Variants in ALPL observed in about 807,000 individuals in gnomAD.
The protein encoded by ALPL is alkaline phosphatase, biomineralization associated.
Under a neutral mutation model 51.3 loss-of-function variants are expected in ALPL, and 42 were observed. That is an observed-to-expected ratio of 0.82 (90% CI 0.64 to 1.06). ALPL has a LOEUF of 1.06. ALPL is among the 50% of genes least tolerant of loss of function. The probability of loss-of-function intolerance (pLI) is 0.00; values close to 1 mark genes in which losing one functional copy is unlikely to be tolerated. For missense variants in ALPL, 589 were observed against 709.4 expected, an observed-to-expected ratio of 0.83 and a Z score of 1.93; for synonymous variants, 279 against 296.4, an observed-to-expected ratio of 0.94 and a Z score of 0.60.
intron 1 of ALPL, among the ~76,000 whole-genome samples, chr1:21,544,992 C>G (rs1202704564): frequency 1.3e-5 from 2 of 151,736 alleles, no homozygotes; most frequent in Non-Finnish European, 2.9e-5. Context: ...AGTCTTTATT[C>G]CCACCTTACA....
intron 1 of ALPL, among the ~76,000 whole-genome samples, chr1:21,518,683 A>T (rs1284313992): frequency 6.6e-6 from 1 of 152,118 alleles, no homozygotes; most frequent in East Asian, 1.9e-4. Context: ...AATTACTTTA[A>T]ATTGTAACTG....
At chr1:21,557,683 C>T (rs1041553020) in intron 2 of ALPL, among the ~76,000 whole-genome samples, 4 of 152,366 alleles carry the variant, frequency 2.6e-5, no homozygotes, top group Admixed American at 2.6e-4. Context: ...AGTCCTCCCA[C>T]CATGGCCTCC....
At chr1:21,576,802 C>T (rs1288044766) in intron 11 of ALPL, among the ~76,000 whole-genome samples, 161 bp downstream of exon 11, 1 of 152,014 alleles carries the variant, frequency 6.6e-6, no homozygotes, top group Non-Finnish European at 1.5e-5. Context: ...ATTCAAACAA[C>T]CTCAGTTTGA....
At chr1:21,569,800 G>C (rs2148175818) in intron 7 of ALPL, among the ~76,000 whole-genome samples, 2 of 152,244 alleles carry the variant, frequency 1.3e-5, no homozygotes, top group Middle Eastern at 6.8e-3. Context: ...TTATTCCCTG[G>C]GGAAACAGCC....
rs969908474 is a variant in ALPL at position 21,517,711 on chromosome 1, C to G, written c.-105+8194C>G. Among the ~76,000 whole-genome samples, 5 of 152,260 alleles carry G rather than the reference C, an allele frequency of 3.3e-5. No homozygotes were observed. In the East Asian group the frequency reaches 9.6e-4, roughly 29 times the overall value. On this transcript the variant is annotated intron_variant, in intron 1 of 11. Coordinates refer to ENST00000374840, the MANE Select transcript of ALPL (RefSeq NM_000478.6). ...ACCTTCGCCAAGTCCCTTTCCCTCT[C>G]TTAGCTTCTGGCTACCCTCCCTACC...
At chr1:21,568,858 A>T (rs1472375961) in intron 7 of ALPL, among the ~76,000 whole-genome samples, 1 of 152,136 alleles carries the variant, frequency 6.6e-6, no homozygotes, top group African/African-American at 2.4e-5. Context: ...GGGAGGCTGG[A>T]GGGACCTCTG....
At chr1:21,566,037 G>A (rs542260718) in intron 6 of ALPL, among the ~76,000 whole-genome samples, 37 of 152,106 alleles carry the variant, frequency 2.4e-4, no homozygotes, top group African/African-American at 8.9e-4. Flanking sequence ...GAACAGTTGT[G>A]GGGGGCGGGG....
chr1:21,542,174 G>C (rs982212216), intron 1 of ALPL, among the ~76,000 whole-genome samples: 1 of 152,230 alleles, frequency 6.6e-6, no homozygotes, highest in Non-Finnish European at 1.5e-5. Flanking sequence ...CTCTGCAGCT[G>C]AAATGTTACT....
intron 1 of ALPL, among the ~76,000 whole-genome samples, chr1:21,513,892 T>C (rs1643740854): frequency 6.6e-6 from 1 of 152,180 alleles, no homozygotes; most frequent in African/African-American, 2.4e-5. Flanking sequence ...TACCACAGTC[T>C]CCACCACGCC....
At chr1:21,576,672 G>T (rs1322441574) in intron 11 of ALPL, 31 bp downstream of exon 11, 1 of 1,612,806 alleles carries the variant, frequency 6.2e-7, no homozygotes, top group East Asian at 2.2e-5. Flanking sequence ...GGCTGGGAGG[G>T]GACAGGGCAC....
intron 1 of ALPL, among the ~76,000 whole-genome samples, chr1:21,533,924 CAA>C (rs760101424): frequency 2.4e-5 from 3 of 127,458 alleles, no homozygotes; most frequent in African/African-American, 3.0e-5. Flanking sequence ...ACTCTTGTCT[CAA>C]AAAAAAAAAA....
chr1:21,515,118 G>T (rs1315693211), intron 1 of ALPL, among the ~76,000 whole-genome samples: 1 of 152,186 alleles, frequency 6.6e-6, no homozygotes, highest in Non-Finnish European at 1.5e-5. Context: ...TCATTCAGGT[G>T]CATGAACTTT....
At chr1:21,516,996 A>G (rs1330286768) in intron 1 of ALPL, among the ~76,000 whole-genome samples, 2 of 152,240 alleles carry the variant, frequency 1.3e-5, no homozygotes, top group Non-Finnish European at 2.9e-5. Flanking sequence ...ATGTGTTCAG[A>G]ACAGTTACAT....
Position 21,569,280 on chromosome 1 carries a change from C to A in ALPL, c.793-1025C>A, listed in dbSNP as rs150396003. 8.5e-5 allele frequency among the ~76,000 whole-genome samples: 13 copies of A among 152,330 alleles called. No individual in the cohort carries two copies. The East Asian group carries it at 2.5e-3, about 29-fold the overall frequency. On this transcript the variant is annotated intron_variant, in intron 7 of 11. Coordinates refer to ENST00000374840, the MANE Select transcript of ALPL (RefSeq NM_000478.6). ...GCACATGGGGCCAGAGCTTCATCCT[C>A]CTTGCCCAGGCAGGGTGCTTACCCA...
chr1:21,522,138 CT>C (rs1322256262), intron 1 of ALPL, among the ~76,000 whole-genome samples: 2 of 149,260 alleles, frequency 1.3e-5, no homozygotes, highest in Non-Finnish European at 3.0e-5. Context: ...GTGGCGCAAT[CT>C]CGGCTCACTA....
chr1:21,569,125 C>T (rs889922324), intron 7 of ALPL, among the ~76,000 whole-genome samples: 10 of 152,062 alleles, frequency 6.6e-5, no homozygotes, highest in Non-Finnish European at 7.4e-5. Context: ...GAAGGGCCCC[C>T]GTGGGGATGG....
At chr1:21,554,767 G>T (rs1644377702) in intron 2 of ALPL, among the ~76,000 whole-genome samples, 1 of 150,930 alleles carries the variant, frequency 6.6e-6, no homozygotes, top group African/African-American at 2.4e-5. Flanking sequence ...TGGGATTACA[G>T]GCGTGAGCCA....
intron 1 of ALPL, among the ~76,000 whole-genome samples, chr1:21,530,004 G>A (rs1274360342): frequency 2.0e-5 from 3 of 152,150 alleles, no homozygotes; most frequent in South Asian, 2.1e-4. Flanking sequence ...CAAACTCTTG[G>A]GCTCAAGTAA....
At chr1:21,575,194 G>A (rs1158430610) in intron 9 of ALPL, among the ~76,000 whole-genome samples, 2 of 152,202 alleles carry the variant, frequency 1.3e-5, no homozygotes, top group Non-Finnish European at 2.9e-5. Flanking sequence ...ATGAAAAACG[G>A]GGTTAGGACG....
Sources: allele counts gnomAD v4.1 joint callset (sites outside exome capture counted in the v4.1 genomes callset), GRCh38; gene constraint gnomAD v4.1.1; transcripts MANE v1.5; gene names NCBI Gene and HGNC (gene_info 2026-07-23, HGNC 2026-07-21).